DDC: variants seen among roughly 807,000 people sequenced by gnomAD.
DDC encodes the protein aromatic-L-amino-acid decarboxylase.
In DDC, 43 loss-of-function variants were observed where a neutral mutation model predicts 60.0. The ratio of observed to expected loss-of-function variants is 0.72; its 90% CI spans 0.56 to 0.92. The LOEUF is 0.92. DDC is among the 40% of genes least tolerant of loss of function. The pLI, the probability that DDC is intolerant of heterozygous loss-of-function variation, is 0.00. For missense variants in DDC, 573 were observed against 620.2 expected (o/e 0.92, Z 0.81); for synonymous variants, 232 against 234.6 (o/e 0.99, Z 0.10).
chr7:50,482,180 C>T (rs1484581160), intron 9 of DDC, among the ~76,000 whole-genome samples: 1 of 152,220 alleles, frequency 6.6e-6, no homozygotes, highest in Non-Finnish European at 1.5e-5. Flanking sequence ...GTCTCCACAA[C>T]AGTTCTGCAG....
At chr7:50,527,898 A>C (rs2044081746) in intron 6 of DDC, 1 of 438,248 alleles carries the variant, frequency 2.3e-6, no homozygotes. Flanking sequence ...AGCGTTTCTC[A>C]AAGATTAATT....
At chr7:50,519,899 G>GTTT (rs1254948437) in intron 6 of DDC, among the ~76,000 whole-genome samples, 1 of 152,124 alleles carries the variant, frequency 6.6e-6, no homozygotes, top group Non-Finnish European at 1.5e-5. Flanking sequence ...GGGAAAAAAA[G>GTTT]TTTACACCTA....
chr7:50,514,523 T>A (rs1273108610), intron 6 of DDC, among the ~76,000 whole-genome samples: 1 of 152,148 alleles, frequency 6.6e-6, no homozygotes, highest in African/African-American at 2.4e-5. Flanking sequence ...GGTTAGTTAT[T>A]AAGCTAATCG....
chr7:50,476,516 A>G, intron 11 of DDC, 108 bp downstream of exon 11: 1 of 1,066,146 alleles, frequency 9.4e-7, no homozygotes, highest in East Asian at 2.4e-5. Flanking sequence ...GAAGGTGCCC[A>G]CCAGTGCGTG....
chr7:50,540,523 C>T (rs962614148), intron 2 of DDC, among the ~76,000 whole-genome samples: 8 of 151,908 alleles, frequency 5.3e-5, no homozygotes, highest in African/African-American at 9.7e-5. Flanking sequence ...TCTGGATTTT[C>T]GAGGTTTCTT....
At chr7:50,514,639 A>T (rs115728744) in intron 6 of DDC, among the ~76,000 whole-genome samples, 1,911 of 152,348 alleles carry the variant, frequency 0.013, 36 homozygotes, top group African/African-American at 0.044. Flanking sequence ...AGAAAAAGCA[A>T]TCAAAACTTC....
At chr7:50,519,778 T>A (rs977593336) in intron 6 of DDC, among the ~76,000 whole-genome samples, 5 of 152,056 alleles carry the variant, frequency 3.3e-5, no homozygotes, top group South Asian at 4.2e-4. Flanking sequence ...AGACTACAAA[T>A]GTGGTGCAGT....
At chr7:50,532,137 C>G (rs967259577) in intron 4 of DDC, among the ~76,000 whole-genome samples, 1 of 152,174 alleles carries the variant, frequency 6.6e-6, no homozygotes. Flanking sequence ...ATCAATAATG[C>G]AGGCTGGCTC....
At chr7:50,557,499 G>A (rs891309873) in intron 1 of DDC, among the ~76,000 whole-genome samples, 4 of 152,240 alleles carry the variant, frequency 2.6e-5, no homozygotes, top group African/African-American at 9.6e-5. Flanking sequence ...TAGTTGGAAT[G>A]AGGATGTGTG....
chr7:50,533,195 T>C (rs2044275514), intron 4 of DDC, among the ~76,000 whole-genome samples: 1 of 152,172 alleles, frequency 6.6e-6, no homozygotes, highest in Admixed American at 6.5e-5. Flanking sequence ...TGTATACATA[T>C]ATTCACATGT....
At chr7:50,511,052 T>TACAC (rs377138071) in intron 6 of DDC, among the ~76,000 whole-genome samples, 1,591 of 139,076 alleles carry the variant, frequency 0.011, 21 homozygotes, top group African/African-American at 0.016. Flanking sequence ...GATATATCTA[T>TACAC]ACACACACAC....
rs772301289 is a variant in DDC at position 50,529,382 on chromosome 7, G to A, written c.436-40C>T. The A allele has an allele frequency of 3.7e-6, 6 of 1,611,838 alleles. No individual in the cohort carries two copies. In the Admixed American group the frequency reaches 1.0e-4, roughly 27 times the overall value. On this transcript the variant is annotated intron_variant, in intron 4 of 14. Transcript: ENST00000444124. Reference sequence around the variant, plus strand: ...AGGTCCAAATGAAATCCCAAACATAGCGAAGGCATTGGTACCTACACTATT... The same window carrying A: ...AGGTCCAAATGAAATCCCAAACATAACGAAGGCATTGGTACCTACACTATT...
chr7:50,463,494 A>G, intron 13 of DDC, 63 bp from the exon 14 acceptor site: 3 of 1,433,820 alleles, frequency 2.1e-6, no homozygotes, highest in East Asian at 2.3e-5. Context: ...TCAACTGGTC[A>G]TGTAGGAAAG....
chr7:50,559,647 T>G (rs181183332), intron 1 of DDC, among the ~76,000 whole-genome samples: 89 of 152,272 alleles, frequency 5.8e-4, no homozygotes, highest in African/African-American at 2.0e-3. Flanking sequence ...AGGCTGGTCT[T>G]GAACTCCCGA....
intron 7 of DDC, 56 bp from the exon 8 acceptor site, chr7:50,499,298 G>T: frequency 1.6e-6 from 2 of 1,265,668 alleles, no homozygotes; most frequent in Non-Finnish European, 1.1e-6. Flanking sequence ...CACGGAGCCT[G>T]CCAGCTGACC....
chr7:50,509,179 C>T lies in DDC; in HGVS notation c.715-5120G>A, dbSNP rs558373059. Among the ~76,000 whole-genome samples the T allele has an allele frequency of 1.2e-4, 18 of 152,122 alleles. No individual in the cohort carries two copies. The South Asian group carries it at 1.7e-3, about 14-fold the overall frequency. On this transcript the variant is annotated intron_variant, in intron 6 of 14. Transcript: ENST00000444124. ...TCGCCACACACCTCCAGGGCTGGTA[C>T]GGTGCCGGTGCATGGGGCAGTCTAC...
intron 4 of DDC, among the ~76,000 whole-genome samples, chr7:50,534,865 A>T (rs1276073994): frequency 6.6e-6 from 1 of 152,156 alleles, no homozygotes; most frequent in African/African-American, 2.4e-5. Context: ...CCAGAAAGCC[A>T]TCTGGCCCTC....
chr7:50,500,798 G>A (rs141193243), intron 7 of DDC, among the ~76,000 whole-genome samples: 181 of 152,302 alleles, frequency 1.2e-3, no homozygotes, highest in African/African-American at 4.0e-3. Context: ...GCTTTGAAAC[G>A]CCTTATGTCT....
At chr7:50,502,752 G>A (rs2043290755) in intron 7 of DDC, among the ~76,000 whole-genome samples, 1 of 152,238 alleles carries the variant, frequency 6.6e-6, no homozygotes, top group Admixed American at 6.5e-5. Context: ...TTGCTGTGCA[G>A]CAATGCACTC....
Sources: allele counts gnomAD v4.1 joint callset (sites outside exome capture counted in the v4.1 genomes callset), GRCh38; gene constraint gnomAD v4.1.1; transcripts MANE v1.5; gene names NCBI Gene and HGNC (gene_info 2026-07-23, HGNC 2026-07-21).